Variants in TENM1 observed in about 807,000 individuals in gnomAD.
TENM1 encodes the protein teneurin transmembrane protein 1.
TENM1 carries 35 observed loss-of-function variants against 174.8 expected under a neutral mutation model. That is an observed-to-expected ratio of 0.20 (90% CI 0.15 to 0.27). The LOEUF (loss-of-function observed/expected upper bound fraction) is 0.27. Among genes scored for constraint, TENM1 ranks in the 10% least tolerant of loss-of-function variants. TENM1 has a pLI of 1.00. For synonymous variants in TENM1, 781 were observed against 798.7 expected, an observed-to-expected ratio of 0.98 and a Z score of 0.37; for missense variants, 1,633 against 2,130.1, an observed-to-expected ratio of 0.77 and a Z score of 4.59.
the TENM1 span, among the ~76,000 whole-genome samples, chrX:124,980,621 A>G: frequency 2.7e-5 from 3 of 111,817 alleles, no homozygotes; most frequent in Non-Finnish European, 5.6e-5. Flanking sequence ...AATGAAAATT[A>G]TGTATTTAAT....
At chrX:124,475,285 C>T (rs943622168) in intron 22 of TENM1, among the ~76,000 whole-genome samples, 7 of 111,437 alleles carry the variant, frequency 6.3e-5, no homozygotes, top group East Asian at 5.6e-4. Flanking sequence ...TATTCTAGGC[C>T]GACTTCCTTC....
At chrX:124,855,983 T>C (rs1368830050) in intron 3 of TENM1, among the ~76,000 whole-genome samples, 1 of 110,425 alleles carries the variant, frequency 9.1e-6, no homozygotes, top group East Asian at 2.8e-4. Context: ...AGAGTACCCT[T>C]CTATTTAGGA....
intron 15 of TENM1, among the ~76,000 whole-genome samples, chrX:124,533,103 C>T (rs918385858): frequency 1.8e-5 from 2 of 112,130 alleles, no homozygotes; most frequent in African/African-American, 6.5e-5. Context: ...CTTGCTTTCC[C>T]AGGCAGGCTA....
the TENM1 span, among the ~76,000 whole-genome samples, chrX:125,008,011 G>C: frequency 1.8e-5 from 2 of 111,164 alleles, no homozygotes; most frequent in Non-Finnish European, 3.8e-5. Context: ...ATGATGACAA[G>C]AACAAATTCA....
At chrX:124,705,443 T>C (rs1046721380) in intron 4 of TENM1, among the ~76,000 whole-genome samples, 192 bp from the exon 8 acceptor site, 2 of 111,671 alleles carry the variant, frequency 1.8e-5, no homozygotes, top group South Asian at 7.6e-4. Context: ...TCTTTGTCTT[T>C]TTTTTTCTTT....
At chrX:124,736,730 C>T (rs915891168) in intron 4 of TENM1, among the ~76,000 whole-genome samples, 1 of 111,820 alleles carries the variant, frequency 8.9e-6, no homozygotes, top group African/African-American at 3.3e-5. Context: ...CATCTTTTCA[C>T]GTGTATCTGC....
At chrX:124,861,825 G>A (rs1247678523) in intron 3 of TENM1, among the ~76,000 whole-genome samples, 1 of 111,278 alleles carries the variant, frequency 9.0e-6, no homozygotes, top group Non-Finnish European at 1.9e-5. Flanking sequence ...ATTTATTTAT[G>A]GACATTCAAT....
At chrX:124,939,548 G>C (rs2058295621) in intron 1 of TENM1, among the ~76,000 whole-genome samples, 1 of 111,548 alleles carries the variant, frequency 9.0e-6, no homozygotes, top group African/African-American at 3.3e-5. Context: ...ATTACTATAA[G>C]AAAAGGCACT....
rs191195395 is a variant in TENM1 at position 124,962,988 on chromosome X, A to G, written c.217+549T>C. 3.6e-5 allele frequency among the ~76,000 whole-genome samples: 4 copies of G among 112,357 alleles called. No individual in the cohort carries two copies. The East Asian group carries it at 1.1e-3, about 31-fold the overall frequency. On this transcript the variant is annotated intron_variant, in intron 1 of 31. Coordinates refer to ENST00000422452, the Ensembl canonical transcript of TENM1. ...TTGTTAGAAACTGTCTTGTCAATCC[A>G]TAATTGAGAAACTAAGACTGCCCAA... is the stretch of plus-strand genomic sequence containing the variant.
chrX:124,887,621 T>C (rs771182566), intron 3 of TENM1, among the ~76,000 whole-genome samples: 13 of 111,461 alleles, frequency 1.2e-4, no homozygotes, highest in African/African-American at 4.2e-4. Context: ...TGGCTTGAAA[T>C]TCAGTATCAT....
chrX:124,629,792 C>T (rs963087496), intron 11 of TENM1, among the ~76,000 whole-genome samples: 2 of 111,980 alleles, frequency 1.8e-5, no homozygotes, highest in African/African-American at 3.3e-5. Context: ...AAAAAGGTCC[C>T]AGGATCCTTC....
intron 22 of TENM1, 27 bp downstream of exon 25, chrX:124,481,705 A>C: frequency 2.7e-6 from 1 of 368,782 alleles, no homozygotes; most frequent in Non-Finnish European, 4.4e-6. Flanking sequence ...GTATATATAT[A>C]TATATATTTA....
chrX:124,730,603 G>A (rs745523474), intron 4 of TENM1, among the ~76,000 whole-genome samples: 8 of 111,854 alleles, frequency 7.2e-5, no homozygotes, highest in African/African-American at 1.6e-4. Flanking sequence ...CAAAAGCGTC[G>A]TAGGAGGAAA....
chrX:124,855,119 T>C (rs1472645296), intron 3 of TENM1, among the ~76,000 whole-genome samples: 1 of 111,342 alleles, frequency 9.0e-6, no homozygotes, highest in African/African-American at 3.3e-5. Context: ...AAGTTATTAG[T>C]GCCCGTGAAT....
intron 23 of TENM1, among the ~76,000 whole-genome samples, chrX:124,429,338 G>A (rs2060751997): frequency 9.0e-6 from 1 of 110,966 alleles, no homozygotes; most frequent in African/African-American, 3.3e-5. Flanking sequence ...TTGACCACGT[G>A]CCAGGCACTA....
At chrX:124,506,327 A>G (rs1055047537) in intron 18 of TENM1, among the ~76,000 whole-genome samples, 12 of 111,611 alleles carry the variant, frequency 1.1e-4, no homozygotes, top group Non-Finnish European at 2.1e-4. Flanking sequence ...ATGCTTACAT[A>G]AAGCATCAAT....
At chrX:125,032,807 G>A in the TENM1 span, among the ~76,000 whole-genome samples, 12 of 111,619 alleles carry the variant, frequency 1.1e-4, no homozygotes, top group African/African-American at 2.9e-4. Flanking sequence ...ACAGCCTCAC[G>A]TCCCAGAGCC....
chrX:124,820,786 T>C (rs1379105207), intron 3 of TENM1, among the ~76,000 whole-genome samples: 2 of 112,551 alleles, frequency 1.8e-5, no homozygotes, highest in East Asian at 5.6e-4. Flanking sequence ...CAGGGTCACA[T>C]ATTCAGTTGG....
chrX:124,542,033 T>C (rs2048330830), intron 15 of TENM1, among the ~76,000 whole-genome samples: 1 of 112,055 alleles, frequency 8.9e-6, no homozygotes, highest in Non-Finnish European at 1.9e-5. Context: ...AGTAGTCAAA[T>C]AGAGAGGCTA....
Sources: gnomAD v4.1 joint callset for allele counts (sites outside exome capture counted in the v4.1 genomes callset) on GRCh38, gnomAD v4.1.1 for gene constraint, MANE v1.5 for transcripts, NCBI Gene and HGNC (gene_info 2026-07-23, HGNC 2026-07-21) for gene names.